TMEM135: variants seen among roughly 807,000 people sequenced by gnomAD.
TMEM135 encodes transmembrane protein 135, also known as peroxisomal membrane protein 52.
TMEM135 carries 30 observed loss-of-function variants against 60.3 expected under a neutral mutation model. That is an observed-to-expected ratio of 0.50 (90% CI 0.37 to 0.68). The LOEUF (loss-of-function observed/expected upper bound fraction) is 0.68, where lower values mean the gene tolerates loss of function less well. TMEM135 is among the 30% of genes least tolerant of loss of function. The pLI, the probability that TMEM135 is intolerant of heterozygous loss-of-function variation, is 0.00. For synonymous variants in TMEM135, 190 were observed against 186.7 expected (o/e 1.02, Z -0.14); for missense variants, 468 against 548.8 (o/e 0.85, Z 1.47).
intron 3 of TMEM135, among the ~76,000 whole-genome samples, chr11:87,084,424 C>T (rs1857054228): frequency 6.6e-6 from 1 of 152,146 alleles, no homozygotes; most frequent in South Asian, 2.1e-4. Flanking sequence ...CCTCCTGCCT[C>T]AGTCTCCCCA....
At chr11:87,250,866 A>T (rs1037200855) in intron 6 of TMEM135, among the ~76,000 whole-genome samples, 1 of 152,172 alleles carries the variant, frequency 6.6e-6, no homozygotes, top group Non-Finnish European at 1.5e-5. Context: ...CAGAGAGTGA[A>T]TTTGGGATTT....
At chr11:87,294,572 G>A (rs375805018) in intron 6 of TMEM135, among the ~76,000 whole-genome samples, 7 of 152,236 alleles carry the variant, frequency 4.6e-5, no homozygotes, top group South Asian at 2.1e-4. Context: ...TAGTGGAGAC[G>A]GGGTTTCTCC....
At chr11:87,222,442 T>G (rs1940649821) in intron 5 of TMEM135, among the ~76,000 whole-genome samples, 2 of 143,746 alleles carry the variant, frequency 1.4e-5, no homozygotes, top group South Asian at 2.2e-4. Flanking sequence ...GAGCTTGCAG[T>G]GAGCCGAGAT....
chr11:87,122,860 C>T lies in TMEM135; in HGVS notation c.396+31465C>T, dbSNP rs542813719. Among the ~76,000 whole-genome samples the T allele has an allele frequency of 2.0e-5, 3 of 152,306 alleles. No homozygotes were observed. The East Asian group carries it at 5.8e-4, about 29-fold the overall frequency. ...ACTCAGTACTGCACCTGAACCCTCTCTCAGGTATTAATTCCTCCCTTAAAC... is the reference window on the plus strand; with the variant it reads ...ACTCAGTACTGCACCTGAACCCTCTTTCAGGTATTAATTCCTCCCTTAAAC... On this transcript the variant is annotated intron_variant, in intron 4 of 14. Coordinates refer to ENST00000305494, the MANE Select transcript of TMEM135 (RefSeq NM_022918.4).
chr11:87,221,524 G>A (rs1282181240), intron 5 of TMEM135, among the ~76,000 whole-genome samples: 5 of 152,170 alleles, frequency 3.3e-5, no homozygotes, highest in Admixed American at 3.3e-4. Context: ...CCTGTAGACA[G>A]ACACTGATTG....
chr11:87,066,633 T>C (rs1856661579), intron 1 of TMEM135, among the ~76,000 whole-genome samples: 1 of 150,396 alleles, frequency 6.6e-6, no homozygotes. Flanking sequence ...TCAATCTAAA[T>C]TTAAAAGCTA....
chr11:87,248,244 A>C, intron 6 of TMEM135, among the ~76,000 whole-genome samples: 1 of 152,108 alleles, frequency 6.6e-6, no homozygotes, highest in East Asian at 1.9e-4. Context: ...TTCATATTGT[A>C]GTTCTATTTT....
intron 5 of TMEM135, among the ~76,000 whole-genome samples, chr11:87,214,069 A>G (rs1940442376): frequency 6.6e-6 from 1 of 152,208 alleles, no homozygotes; most frequent in Admixed American, 6.5e-5. Context: ...GTACTGTGAG[A>G]CATTACTCTA....
intron 5 of TMEM135, among the ~76,000 whole-genome samples, chr11:87,179,523 T>G (rs894637089): frequency 1.1e-4 from 17 of 152,158 alleles, no homozygotes; most frequent in African/African-American, 3.4e-4. Context: ...AGTTTACTTT[T>G]AAATATGGTG....
chr11:87,305,689 G>C (rs377136609), intron 8 of TMEM135, among the ~76,000 whole-genome samples: 1 of 152,070 alleles, frequency 6.6e-6, no homozygotes, highest in Non-Finnish European at 1.5e-5. Flanking sequence ...CAGGAGAATC[G>C]CTTGAACCTG....
Position 87,166,737 on chromosome 11 carries a change from G to C in TMEM135, c.462+9331G>C, listed in dbSNP as rs369516236. ...GTAGTATAGTTTGAAGTAAGGTAGT[G>C]TGATGCCTCCAGTTTTGTTCTTTTT... On this transcript the variant is annotated intron_variant, in intron 5 of 14. Transcript: ENST00000305494. Among the ~76,000 whole-genome samples, 84 of 141,192 alleles carry C rather than the reference G, an allele frequency of 5.9e-4. 7 individuals are homozygous for C. Among genetic ancestry groups the C allele is most frequent in the African/African-American group, 2.2e-3 (83 of 37,056 alleles). 92.6% of individuals were successfully genotyped at this position (141,192 alleles called of 152,430 possible).
chr11:87,148,730 CATT>C (rs1393019593), intron 4 of TMEM135, among the ~76,000 whole-genome samples: 1 of 151,946 alleles, frequency 6.6e-6, no homozygotes, highest in Non-Finnish European at 1.5e-5. Context: ...ATATATGTAT[CATT>C]AATAATAGAA....
chr11:87,310,185 A>G (rs979722056), intron 10 of TMEM135, among the ~76,000 whole-genome samples: 3 of 152,094 alleles, frequency 2.0e-5, no homozygotes, highest in Non-Finnish European at 2.9e-5. Context: ...CACTGTCTCA[A>G]ATAACCAGAG....
chr11:87,286,332 G>A (rs1942164675), intron 6 of TMEM135, among the ~76,000 whole-genome samples: 1 of 152,148 alleles, frequency 6.6e-6, no homozygotes, highest in Admixed American at 6.5e-5. Flanking sequence ...TAGCTACAGA[G>A]TGCTGATTGG....
intron 5 of TMEM135, among the ~76,000 whole-genome samples, chr11:87,172,234 G>A (rs551964162): frequency 6.6e-6 from 1 of 152,198 alleles, no homozygotes; most frequent in East Asian, 1.9e-4. Context: ...CTTAGCTACT[G>A]TTGTAAACCA....
At chr11:87,268,169 C>T (rs12282173) in intron 6 of TMEM135, among the ~76,000 whole-genome samples, 18,692 of 100,892 alleles carry the variant, frequency 0.19, 2,405 homozygotes, top group Non-Finnish European at 0.26. Flanking sequence ...CTTTCCTTTC[C>T]TTTCTTTTCT....
At chr11:87,180,028 A>G (rs556634496) in intron 5 of TMEM135, among the ~76,000 whole-genome samples, 2 of 152,244 alleles carry the variant, frequency 1.3e-5, no homozygotes, top group African/African-American at 4.8e-5. Context: ...GGTCTGCACA[A>G]CAGATGCAGA....
intron 4 of TMEM135, among the ~76,000 whole-genome samples, chr11:87,135,676 G>A (rs559194903): frequency 6.6e-6 from 1 of 151,970 alleles, no homozygotes; most frequent in East Asian, 1.9e-4. Flanking sequence ...TGTAGTATTA[G>A]TCTTCCAATT....
chr11:87,169,939 A>G (rs932143529), intron 5 of TMEM135, among the ~76,000 whole-genome samples: 2 of 152,118 alleles, frequency 1.3e-5, no homozygotes, highest in Non-Finnish European at 2.9e-5. Context: ...AGGTACACCA[A>G]TCAAACATAG....
Sources: gnomAD v4.1 joint callset for allele counts (sites outside exome capture counted in the v4.1 genomes callset) on GRCh38, gnomAD v4.1.1 for gene constraint, MANE v1.5 for transcripts, NCBI Gene and HGNC (gene_info 2026-07-23, HGNC 2026-07-21) for gene names.